Variants in MYH2 observed in about 807,000 individuals in gnomAD.
MYH2 encodes myosin-2.
Under a neutral mutation model 228.1 loss-of-function variants are expected in MYH2, and 139 were observed. That is an observed-to-expected ratio of 0.61 (90% CI 0.53 to 0.70). The LOEUF (loss-of-function observed/expected upper bound fraction) is 0.70. MYH2 is among the 30% of genes least tolerant of loss of function. The pLI, the probability that MYH2 is intolerant of heterozygous loss-of-function variation, is 0.00. For synonymous variants in MYH2, 796 were observed against 871.1 expected (o/e 0.91, Z 1.52); for missense variants, 1,809 against 2,357.5 (o/e 0.77, Z 4.82).
In MYH2 at chr17:10,525,534, G is replaced by A; in HGVS notation, c.4454C>T (p.Thr1485Ile). ...ASQKEARSLG[T>I]ELFKIKNAYE... The stretch of plus-strand genomic sequence containing the variant: ...GGCATTCTTTATCTTGAACAGCTCA[G>A]TGCCAAGGGAACGGGCCTCCTTCTG... The change falls in exon 32 of 40, where the codon ACT (threonine) becomes ATT (isoleucine). Residue 1485 changes from threonine (T) to isoleucine (I), a missense_variant. Physicochemically the swap from Thr to Ile is moderately conservative, Grantham distance 89. Coordinates refer to ENST00000245503, the MANE Select transcript of MYH2 (RefSeq NM_017534.6). The surrounding 1 kb of genome is among the most constrained non-coding windows in gnomAD (Gnocchi z 4.2). 6.2e-7 allele frequency: 1 copy of A among 1,614,166 alleles called. No individual in the cohort carries two copies. Among genetic ancestry groups the A allele is most frequent in the Non-Finnish European group, 8.5e-7 (1 of 1,180,030 alleles).
chr17:10,524,371 G>A lies in MYH2; in HGVS notation c.5175+95C>T, dbSNP rs1382866838. On this transcript the variant is annotated intron_variant, in intron 35 of 39. Coordinates refer to ENST00000245503, the MANE Select transcript of MYH2 (RefSeq NM_017534.6). This position sits in a 1 kb window ranked among gnomAD's most constrained non-coding sequence, Gnocchi z 4.7. ...TATTATTTGAAAAGAAAATTTGATA[G>A]ACATATTAGGTCTAGCTGTCTTATG... 4.0e-6 allele frequency: 6 copies of A among 1,491,070 alleles called. No individual in the cohort carries two copies. In the African/African-American group the frequency reaches 6.9e-5, roughly 17 times the overall value. The allele number at this position is 1,491,070 out of a possible 1,614,324, so 92.4% of individuals were successfully genotyped here. A position where few individuals can be genotyped will look rare whatever the true frequency, so the allele number is the denominator to read the frequency against.
chr17:10,528,046 TC>T (rs1266402125), intron 27 of MYH2, among the ~76,000 whole-genome samples, 172 bp from the exon 28 acceptor site: 7 of 135,760 alleles, frequency 5.2e-5, no homozygotes, highest in Admixed American at 2.4e-4. Context: ...TTTCTTTCTT[TC>T]TTTTTTTTTT....
At chr17:10,546,255 TGATATATATATATATATATATATA>T (rs1253245667) in intron 4 of MYH2, among the ~76,000 whole-genome samples, 19 of 27,158 alleles carry the variant, frequency 7.0e-4, no homozygotes, top group African/African-American at 3.6e-3. Context: ...GGACACGAAA[TGATATATATATATATATATATATA>T]TATATATATA....
chr17:10,548,120 C>CT (rs1238549076), intron 2 of MYH2, among the ~76,000 whole-genome samples, 180 bp from the exon 3 acceptor site: 7 of 152,180 alleles, frequency 4.6e-5, no homozygotes, highest in Non-Finnish European at 8.8e-5. Flanking sequence ...CAGGTGGTCT[C>CT]TGTGTACCCA....
At chr17:10,543,054 G>A (rs1346146458) in intron 9 of MYH2, 44 bp downstream of exon 9, 9 of 1,590,988 alleles carry the variant, frequency 5.7e-6, no homozygotes, top group Non-Finnish European at 6.9e-6. Flanking sequence ...AGTTTTTTAG[G>A]TCATATGAAT....
Position 10,524,633 on chromosome 17 carries a change from G to A in MYH2, c.5008C>T (p.Gln1670Ter). The A allele has an allele frequency of 6.2e-7, 1 of 1,614,214 alleles. No individual in the cohort carries two copies. The highest frequency in any genetic ancestry group is 1.1e-5 in the South Asian group (1 of 91,086). The change falls in exon 35 of 40, where the codon CAG (glutamine) becomes TAG (stop). Residue 1670 changes from glutamine to a stop codon, truncating the protein, a stop_gained. Transcript: ENST00000245503. LOFTEE classifies it high-confidence loss of function. This position sits in a 1 kb window ranked among gnomAD's most constrained non-coding sequence, Gnocchi z 4.7. ...GCCAGCTGTTCCTTCAGGTCCTCCT[G>A]GCTCCGGAGAGCATCATCCAGGTGG... ...QIHLDDALRS[Q>*]EDLKEQLAMV...
intron 4 of MYH2, among the ~76,000 whole-genome samples, chr17:10,546,934 A>T (rs1214580555): frequency 1.3e-5 from 2 of 151,112 alleles, no homozygotes; most frequent in African/African-American, 4.9e-5. Context: ...AATACGAAAA[A>T]AAAAAAAATA....
chr17:10,544,092 C>T lies in MYH2; in HGVS notation c.533+8G>A. ...CAGCCATGTAAAGAAAGCATAAAAT[C>T]TACTTACGTGATCAGGATTGACTGA... On this transcript the variant is annotated splice_region_variant and intron_variant, in intron 6 of 39. Coordinates refer to ENST00000245503, the MANE Select transcript of MYH2 (RefSeq NM_017534.6). 4 of 1,614,134 alleles carry T rather than the reference C, an allele frequency of 2.5e-6. No individual in the cohort carries two copies. The highest frequency in any genetic ancestry group is 3.4e-6 in the Non-Finnish European group (4 of 1,179,992).
chr17:10,523,382 C>T lies in MYH2; in HGVS notation c.5503G>A (p.Glu1835Lys). ...VRELEGEVES[E>K]QKRNAEAVKG... ...ACAGCCTCAGCATTACGCTTTTGCT[C>T]ACTCTCAACCTCTCCTTCCAGCTCC... The change falls in exon 38 of 40, where the codon GAG (glutamate) becomes AAG (lysine). Residue 1835 changes from glutamate (E) to lysine (K), a missense_variant. This residue lies in a region of MYH2 where 278 missense variants were observed against 308.5 expected (regional missense o/e 0.90). Transcript: ENST00000245503. 6.2e-7 allele frequency: 1 copy of T among 1,614,202 alleles called. No individual in the cohort carries two copies. Among genetic ancestry groups the T allele is most frequent in the Non-Finnish European group, 8.5e-7 (1 of 1,180,050 alleles).
rs1380156657 is a variant in MYH2, at chr17:10,528,748, T to G, written c.3686A>C (p.Glu1229Ala). The G allele has an allele frequency of 1.2e-6, 2 of 1,613,962 alleles. No homozygotes were observed. The highest frequency in any genetic ancestry group is 2.7e-5 in the African/African-American group (2 of 74,904). ...AAGGTCATCAATCTCCATCTTCATC[T>G]CACTCTTCTCCTTCTCCAGCTTCTG... ...VKQKLEKEKS[E>A]MKMEIDDLAS... Residue 1229 changes from glutamate (E) to alanine (A), a missense_variant, in exon 27 of 40, where the codon GAG (glutamate) becomes GCG (alanine). Physicochemically the swap from Glu to Ala is moderately radical, Grantham distance 107. This residue lies in a region of MYH2 where 636 missense variants were observed against 729.9 expected (regional missense o/e 0.87). Transcript: ENST00000245503.
Position 10,547,519 on chromosome 17 carries a change from C to G in MYH2, c.304G>C (p.Val102Leu). 6.2e-7 allele frequency: 1 copy of G among 1,614,094 alleles called. No homozygotes were observed. The highest frequency in any genetic ancestry group is 8.5e-7 in the Non-Finnish European group (1 of 1,180,004). ...AMMTHLHEPA[V>L]LYNLKERYAA... ...TAACGTTCTTTGAGGTTGTACAGCA[C>G]AGCAGGCTCATGCAGATGAGTCATC... The change falls in exon 4 of 40, where the codon GTG becomes CTG. Residue 102 changes from valine to leucine, a missense_variant. Physicochemically the swap from Val to Leu is conservative, Grantham distance 32 (BLOSUM62 1). Around this residue, in one of 9 missense-constraint regions of MYH2, gnomAD observed 373 missense variants for 620.4 expected, o/e 0.60. Coordinates refer to ENST00000245503, the MANE Select transcript of MYH2 (RefSeq NM_017534.6).
rs575510759 is a variant in MYH2 at position 10,530,658 on chromosome 17, G to T, written c.2698-584C>A. On this transcript the variant is annotated intron_variant, in intron 22 of 39. Transcript: ENST00000245503. ...TCCAATTAAGGGGGACAGGGCAGGC[G>T]GGAAATGAAGGAGACACTGGAATAT... Among the ~76,000 whole-genome samples, 12 of 152,244 alleles carry T rather than the reference G, an allele frequency of 7.9e-5. No individual in the cohort carries two copies. The South Asian group carries it at 2.1e-3, about 26-fold the overall frequency.
rs1466008889 is a variant in MYH2 at position 10,523,166 on chromosome 17, T to C, written c.5597A>G (p.Asn1866Ser). 2.5e-6 allele frequency: 4 copies of C among 1,613,920 alleles called. No homozygotes were observed. Among genetic ancestry groups the C allele is most frequent in the Non-Finnish European group, 3.4e-6 (4 of 1,179,748 alleles). The change falls in exon 39 of 40, where the codon AAT becomes AGT. Residue 1866 changes from asparagine (N) to serine (S), a missense_variant. Asn to Ser is a conservative substitution (Grantham distance 46). Around this residue, in one of 9 missense-constraint regions of MYH2, gnomAD observed 278 missense variants for 308.5 expected, o/e 0.90. Coordinates refer to ENST00000245503, the MANE Select transcript of MYH2 (RefSeq NM_017534.6). ...TACCAAATCTTGAAGCCTGAGAATATTCTTTCTATCTTCTTCCGTCTGAAA... is the reference window on the plus strand; with the variant it reads ...TACCAAATCTTGAAGCCTGAGAATACTCTTTCTATCTTCTTCCGTCTGAAA... ...LTYQTEEDRKNILRLQDLVDK... is the reference protein window; with the variant it reads ...LTYQTEEDRKSILRLQDLVDK...
chr17:10,522,249 C>T (rs2073293411), intron 39 of MYH2, among the ~76,000 whole-genome samples: 1 of 152,132 alleles, frequency 6.6e-6, no homozygotes, highest in African/African-American at 2.4e-5. Flanking sequence ...GTAATTCAGC[C>T]AACTTAGTAA....
At chr17:10,529,781 C>A (rs761672689) in intron 23 of MYH2, 41 bp from the exon 24 acceptor site, 7 of 1,613,990 alleles carry the variant, frequency 4.3e-6, no homozygotes, top group Non-Finnish European at 5.9e-6. Flanking sequence ...TATAAAGCAC[C>A]TTTGTTGGGT....
Position 10,525,253 on chromosome 17 carries a change from C to A in MYH2, c.4633G>T (p.Glu1545Ter). 6.2e-7 allele frequency: 1 copy of A among 1,614,092 alleles called. No individual in the cohort carries two copies. Among genetic ancestry groups the A allele is most frequent in the Non-Finnish European group, 8.5e-7 (1 of 1,180,042 alleles). ...IKKQVEQEKC[E>*]LQAALEEAEA... Reference sequence around the variant, plus strand: ...GCTTCTTCTAAAGCAGCCTGAAGTTCACACTTTTCTTGTTCCACTTGTTTC... The same window carrying A: ...GCTTCTTCTAAAGCAGCCTGAAGTTAACACTTTTCTTGTTCCACTTGTTTC... The change falls in exon 33 of 40, where the codon GAA (glutamate) becomes TAA (stop). Residue 1545 changes from glutamate to a stop codon, truncating the protein, a stop_gained. Coordinates refer to ENST00000245503, the MANE Select transcript of MYH2 (RefSeq NM_017534.6). LOFTEE classifies it high-confidence loss of function. This position sits in a 1 kb window ranked among gnomAD's most constrained non-coding sequence, Gnocchi z 4.2.
At position 10,543,890 on chromosome 17, in the gene MYH2, A is replaced by C. The variant is rs199698085; in HGVS notation, c.648+12T>G. The C allele has an allele frequency of 1.2e-6, 2 of 1,614,050 alleles. No homozygotes were observed. The highest frequency in any genetic ancestry group is 1.3e-5 in the African/African-American group (1 of 74,936). On this transcript the variant is annotated intron_variant, in intron 7 of 39. Transcript: ENST00000245503. ...ACAGAGTCTGGATTCTGACTGTGAC[A>C]ATCAGACTCACCTGTATTTTGCCAG...
intron 22 of MYH2, among the ~76,000 whole-genome samples, chr17:10,530,645 G>A (rs1367833483): frequency 1.3e-5 from 2 of 152,094 alleles, no homozygotes; most frequent in African/African-American, 2.4e-5. Flanking sequence ...CAATTAAGGG[G>A]GACAGGGCAG....
At chr17:10,535,032 A>G (rs892291651) in intron 19 of MYH2, 41 bp downstream of exon 19, 35 of 1,597,732 alleles carry the variant, frequency 2.2e-5, no homozygotes, top group Non-Finnish European at 3.0e-5. Context: ...AAACTTGTTC[A>G]TATTAAACTT....
Sources: allele counts gnomAD v4.1 joint callset (sites outside exome capture counted in the v4.1 genomes callset), GRCh38; gene constraint gnomAD v4.1.1; regional missense constraint gnomAD v4.1.1; non-coding constraint Gnocchi (gnomAD v3.1); transcripts MANE v1.5; gene names NCBI Gene and HGNC (gene_info 2026-07-23, HGNC 2026-07-21).